CSNK1G1: variants seen among roughly 807,000 people sequenced by gnomAD.
CSNK1G1 encodes the protein casein kinase I isoform gamma-1.
Under a neutral mutation model 59.6 loss-of-function variants are expected in CSNK1G1, and 22 were observed. The ratio of observed to expected loss-of-function variants is 0.37; its 90% confidence interval spans 0.26 to 0.53. The LOEUF is 0.53. Ranked by LOEUF, CSNK1G1 falls within the 20% of genes least tolerant of loss-of-function variation. The pLI is 0.89. For synonymous variants in CSNK1G1, 179 were observed against 177.1 expected, an observed-to-expected ratio of 1.01 and a Z score of -0.08; for missense variants, 384 against 519.5, an observed-to-expected ratio of 0.74 and a Z score of 2.54.
At chr15:64,320,568 A>G (rs1241443697) in intron 1 of CSNK1G1, among the ~76,000 whole-genome samples, 1 of 151,638 alleles carries the variant, frequency 6.6e-6, no homozygotes, top group Non-Finnish European at 1.5e-5. Flanking sequence ...AATCCCAGCT[A>G]CTTGGGAGGC....
rs1477689931 is a variant in CSNK1G1, at chr15:64,165,572, G to T, written c.*6359C>A. The T allele has an allele frequency of 3.3e-5, 5 of 153,146 alleles. No homozygotes were observed. The highest frequency in any genetic ancestry group is 1.2e-4 in the African/African-American group (5 of 41,426). The allele number at this position is 153,146 out of a possible 1,614,324, so 9.5% of individuals were successfully genotyped here. A position where few individuals can be genotyped will look rare whatever the true frequency, so the allele number is the denominator to read the frequency against. ...ATTTTTGAAGTGACTCACAGGAGAA[G>T]ACAATATTTAATCCAAGGAATGAAA... On this transcript the variant is annotated 3_prime_UTR_variant, in exon 12 of 12. Transcript: ENST00000303052.
rs1010000057 is a variant in CSNK1G1, at chr15:64,170,343, T to C, written c.*1588A>G. 6.6e-6 allele frequency: 1 copy of C among 152,358 alleles called. No individual in the cohort carries two copies. The highest frequency in any genetic ancestry group is 1.5e-5 in the Non-Finnish European group (1 of 68,074). The allele number at this position is 152,358 out of a possible 1,614,324, so 9.4% of individuals were successfully genotyped here. On this transcript the variant is annotated 3_prime_UTR_variant, in exon 12 of 12. Transcript: ENST00000303052. ...ATGCTTAGAGGCACGGCCACCTTTC[T>C]GGAAGGAGTCCAATTGAGAAGATAA...
At chr15:64,208,203 TC>T in intron 6 of CSNK1G1, among the ~76,000 whole-genome samples, 1 of 152,154 alleles carries the variant, frequency 6.6e-6, no homozygotes, top group Non-Finnish European at 1.5e-5. Context: ...ATTACTAAGG[TC>T]TCCTCAAAAT....
At chr15:64,197,516 C>G (rs1441526314) in intron 10 of CSNK1G1, among the ~76,000 whole-genome samples, 2 of 152,208 alleles carry the variant, frequency 1.3e-5, no homozygotes, top group Non-Finnish European at 2.9e-5. Context: ...ATCTCTGCAA[C>G]AGCTTTGACT....
intron 4 of CSNK1G1, among the ~76,000 whole-genome samples, chr15:64,222,171 C>A (rs1244845623): frequency 5.3e-5 from 8 of 151,526 alleles, no homozygotes; most frequent in Non-Finnish European, 7.4e-5. Context: ...CAAACTAACA[C>A]AGGAACAGAA....
At chr15:64,209,977 A>G (rs1193791395) in intron 6 of CSNK1G1, among the ~76,000 whole-genome samples, 1 of 152,194 alleles carries the variant, frequency 6.6e-6, no homozygotes, top group Admixed American at 6.5e-5. Context: ...TTTCACAGCA[A>G]AATAAATTAT....
intron 4 of CSNK1G1, among the ~76,000 whole-genome samples, chr15:64,219,001 C>T (rs2082350169): frequency 6.6e-6 from 1 of 151,862 alleles, no homozygotes; most frequent in African/African-American, 2.4e-5. Context: ...ATTACAGGTG[C>T]ACACCACCAC....
At chr15:64,334,821 C>T (rs568551534) in intron 1 of CSNK1G1, among the ~76,000 whole-genome samples, 3 of 152,310 alleles carry the variant, frequency 2.0e-5, no homozygotes, top group Admixed American at 1.3e-4. Context: ...CTATGCAGCA[C>T]GGTTCCTAAA....
intron 6 of CSNK1G1, among the ~76,000 whole-genome samples, chr15:64,209,943 T>A (rs777775692): frequency 6.6e-6 from 1 of 152,162 alleles, no homozygotes; most frequent in African/African-American, 2.4e-5. Context: ...ATTTTCAATA[T>A]TGATCAGGCC....
At chr15:64,264,824 C>G (rs575512078) in intron 2 of CSNK1G1, among the ~76,000 whole-genome samples, 115 of 152,282 alleles carry the variant, frequency 7.6e-4, no homozygotes, top group African/African-American at 2.7e-3. Flanking sequence ...ATTCAACATC[C>G]CTTCATGATA....
chr15:64,246,639 A>AG (rs35838047), intron 4 of CSNK1G1, among the ~76,000 whole-genome samples: 296 of 88,906 alleles, frequency 3.3e-3, no homozygotes, highest in Middle Eastern at 5.7e-3. Context: ...AAAAAAAAAA[A>AG]GGGGGGGGGG....
intron 1 of CSNK1G1, among the ~76,000 whole-genome samples, chr15:64,329,187 A>T (rs1054006693): frequency 6.6e-6 from 1 of 152,126 alleles, no homozygotes; most frequent in African/African-American, 2.4e-5. Flanking sequence ...ACAGACATCT[A>T]CAGAACTCTC....
At chr15:64,240,491 A>G (rs2082679468) in intron 4 of CSNK1G1, among the ~76,000 whole-genome samples, 2 of 152,172 alleles carry the variant, frequency 1.3e-5, no homozygotes, top group Non-Finnish European at 2.9e-5. Flanking sequence ...TTTATATTAC[A>G]GTCCTAAATT....
chr15:64,287,242 A>T (rs949685136), intron 2 of CSNK1G1, among the ~76,000 whole-genome samples: 4 of 152,188 alleles, frequency 2.6e-5, no homozygotes, highest in African/African-American at 7.2e-5. Flanking sequence ...CTTTAAAACG[A>T]TGACAGTTGA....
chr15:64,338,231 G>C (rs1897492378), intron 1 of CSNK1G1, among the ~76,000 whole-genome samples: 1 of 152,130 alleles, frequency 6.6e-6, no homozygotes, highest in South Asian at 2.1e-4. Flanking sequence ...AATAAATAGA[G>C]TTCCAATTTC....
chr15:64,348,131 G>T (rs1033037623), intron 1 of CSNK1G1, among the ~76,000 whole-genome samples: 1 of 152,018 alleles, frequency 6.6e-6, no homozygotes, highest in African/African-American at 2.4e-5. Context: ...ATACTATAGA[G>T]ACAGTAAAAT....
chr15:64,248,613 A>G (rs1223352382), intron 4 of CSNK1G1, among the ~76,000 whole-genome samples: 2 of 152,198 alleles, frequency 1.3e-5, no homozygotes, highest in African/African-American at 4.8e-5. Context: ...GTCAATGCCT[A>G]ATCATCAATA....
At chr15:64,296,589 G>C (rs928603701) in intron 2 of CSNK1G1, among the ~76,000 whole-genome samples, 1 of 152,154 alleles carries the variant, frequency 6.6e-6, no homozygotes, top group African/African-American at 2.4e-5. Context: ...TGAAGGCTGG[G>C]TGCAGTGGCT....
intron 4 of CSNK1G1, among the ~76,000 whole-genome samples, chr15:64,226,488 G>A (rs1275905654): frequency 6.6e-6 from 1 of 151,986 alleles, no homozygotes; most frequent in Non-Finnish European, 1.5e-5. Context: ...CCCAAGAGGT[G>A]GAGGCTGCAG....
Sources: gnomAD v4.1 joint callset for allele counts (sites outside exome capture counted in the v4.1 genomes callset) on GRCh38, gnomAD v4.1.1 for gene constraint, MANE v1.5 for transcripts, NCBI Gene and HGNC (gene_info 2026-07-23, HGNC 2026-07-21) for gene names.